The following ZFYVE26 variants were observed in gnomAD, a reference collection of about 807,000 sequenced individuals.
ZFYVE26 encodes the protein zinc finger FYVE domain-containing protein 26.
A neutral mutation model predicts 276.5 loss-of-function variants in ZFYVE26; 181 were observed. The ratio of observed to expected loss-of-function variants is 0.65; its 90% CI spans 0.58 to 0.74. The LOEUF (loss-of-function observed/expected upper bound fraction) is 0.74. Ranked by LOEUF, ZFYVE26 falls within the 30% of genes least tolerant of loss-of-function variation. The pLI is 0.00. For missense variants in ZFYVE26, 2,821 were observed against 3,097.9 expected (o/e 0.91, Z 2.12); for synonymous variants, 1,129 against 1,203.1 (o/e 0.94, Z 1.27).
chr14:67,802,313 G>A (rs2040094372), intron 9 of ZFYVE26, 31 bp from the exon 10 acceptor site: 1 of 1,609,038 alleles, frequency 6.2e-7, no homozygotes, highest in Non-Finnish European at 8.5e-7. Context: ...GGCTGAACTT[G>A]AGAGTTAATT....
chr14:67,776,101 C>T lies in ZFYVE26; in HGVS notation c.4980G>A (p.Leu1660=), dbSNP rs756162071. ...CCCGGTGCTGCTCAGGCAGGGTCAG[C>T]AGAATCTGTTTGTGGGGTAGATCCA... ...IQALYVGSKI[L]LTLPEQHRAS... The change falls in exon 26 of 42, where the codon CTG becomes CTA. Residue 1660 remains leucine (L), a synonymous_variant. Transcript: ENST00000347230. 5.0e-6 allele frequency: 8 copies of T among 1,614,012 alleles called. No individual in the cohort carries two copies. The East Asian group carries it at 1.8e-4, about 36-fold the overall frequency.
chr14:67,768,411 G>T, intron 30 of ZFYVE26, 106 bp downstream of exon 30: 1 of 1,268,776 alleles, frequency 7.9e-7, no homozygotes, highest in Non-Finnish European at 1.2e-6. Flanking sequence ...CAAGTTGGAT[G>T]GAGTGCATAA....
Position 67,748,153 on chromosome 14 carries a change from T to G in ZFYVE26, c.*283A>C. 1 of 496,738 alleles carries G rather than the reference T, an allele frequency of 2.0e-6. No individual in the cohort carries two copies. The highest frequency in any genetic ancestry group is 3.7e-6 in the Non-Finnish European group (1 of 273,320). 30.8% of individuals were successfully genotyped at this position (496,738 alleles called of 1,614,324 possible). On this transcript the variant is annotated 3_prime_UTR_variant, in exon 42 of 42. Transcript: ENST00000347230. Reference sequence around the variant, plus strand: ...GCGTAAACATCAGCGCACAGGAACATGCACACGTGTGTGCACACATACTCA... The same window carrying G: ...GCGTAAACATCAGCGCACAGGAACAGGCACACGTGTGTGCACACATACTCA...
intron 25 of ZFYVE26, among the ~76,000 whole-genome samples, chr14:67,776,642 T>C (rs1351088462): frequency 1.3e-5 from 2 of 152,352 alleles, no homozygotes; most frequent in African/African-American, 4.8e-5. Context: ...AGTAGTCTAA[T>C]GAAACCTGGC....
chr14:67,792,488 C>G (rs2039839441), intron 14 of ZFYVE26, among the ~76,000 whole-genome samples: 1 of 152,180 alleles, frequency 6.6e-6, no homozygotes, highest in African/African-American at 2.4e-5. Context: ...CTCCAATTTT[C>G]AAATGAGGAA....
At chr14:67,778,348 G>C in intron 23 of ZFYVE26, 100 bp from the exon 24 acceptor site, 1 of 1,461,196 alleles carries the variant, frequency 6.8e-7, no homozygotes. Flanking sequence ...TATAAGTGCT[G>C]ATGGGAACTT....
intron 30 of ZFYVE26, among the ~76,000 whole-genome samples, chr14:67,768,213 G>A (rs943270837): frequency 1.3e-5 from 2 of 152,178 alleles, no homozygotes; most frequent in African/African-American, 4.8e-5. Context: ...GGGAGCATGG[G>A]GAGGTAGGAT....
chr14:67,777,442 G>A, intron 25 of ZFYVE26, 117 bp downstream of exon 25: 1 of 1,547,220 alleles, frequency 6.5e-7, no homozygotes, highest in Non-Finnish European at 8.9e-7. Context: ...GAAAAGGCAA[G>A]TTCTGAAGAA....
Position 67,762,683 on chromosome 14 carries a change from GT to G in ZFYVE26, c.6147del (p.Gln2049HisfsTer42). 1 of 1,613,900 alleles carries G rather than the reference GT, an allele frequency of 6.2e-7. No homozygotes were observed. Among genetic ancestry groups the G allele is most frequent in the South Asian group, 1.1e-5 (1 of 91,072 alleles). On this transcript the variant is annotated frameshift_variant, in exon 33 of 42. Coordinates refer to ENST00000347230, the MANE Select transcript of ZFYVE26 (RefSeq NM_015346.4). LOFTEE classifies it high-confidence loss of function. Reference protein sequence around the residue: ...RNQLLEAEYYQLGVEVSTKTG... With the variant: ...RNQLLEAEYYXLGVEVSTKTG... ...TGTCTTTGTCTCACCTCAACGCCCA[GT>G]TGGTAGTACTCGGCTTCCAAAAGCT...
chr14:67,748,731 A>G (rs1303899622), intron 41 of ZFYVE26, 92 bp from the exon 42 acceptor site: 30 of 1,251,420 alleles, frequency 2.4e-5, no homozygotes, highest in Non-Finnish European at 3.3e-5. Context: ...GCAGACAGAC[A>G]CCATGTCTCA....
intron 28 of ZFYVE26, 33 bp downstream of exon 28, chr14:67,772,014 C>T (rs1478714426): frequency 1.2e-6 from 2 of 1,606,586 alleles, no homozygotes; most frequent in Admixed American, 1.7e-5. Flanking sequence ...TTACCTTCTC[C>T]TGAGGGTGAC....
chr14:67,796,600 CAT>C (rs2039958402), intron 12 of ZFYVE26: 1 of 152,100 alleles, frequency 6.6e-6, no homozygotes, highest in South Asian at 2.1e-4. Context: ...ATTTTATAAA[CAT>C]ATTGAAATAT....
intron 16 of ZFYVE26, among the ~76,000 whole-genome samples, chr14:67,788,873 T>C (rs751510983): frequency 2.0e-5 from 3 of 152,250 alleles, no homozygotes; most frequent in Non-Finnish European, 2.9e-5. Context: ...TACCTTCATA[T>C]ACTGATGCCT....
intron 10 of ZFYVE26, chr14:67,799,392 G>A: frequency 6.2e-7 from 1 of 1,612,322 alleles, no homozygotes; most frequent in East Asian, 2.2e-5. Flanking sequence ...ATGAATGCAA[G>A]GAAAAGGAGG....
chr14:67,778,178 T>C lies in ZFYVE26; in HGVS notation c.4745A>G (p.Gln1582Arg), dbSNP rs776916874. 1 of 1,614,216 alleles carries C rather than the reference T, an allele frequency of 6.2e-7. No homozygotes were observed. The highest frequency in any genetic ancestry group is 1.1e-5 in the South Asian group (1 of 91,086). Residue 1582 changes from glutamine to arginine, a missense_variant, in exon 24 of 42, where the codon CAA (glutamine) becomes CGA (arginine). Physicochemically the swap from Gln to Arg is conservative, Grantham distance 43 (BLOSUM62 1). Coordinates refer to ENST00000347230, the MANE Select transcript of ZFYVE26 (RefSeq NM_015346.4). Reference sequence around the variant, plus strand: ...TTCTAGAAGGTGGAGAAGATGCTTTTGATGAAGGCTGATTAAATGTTCTCT... The same window carrying C: ...TTCTAGAAGGTGGAGAAGATGCTTTCGATGAAGGCTGATTAAATGTTCTCT... Reference protein sequence around the residue: ...IPREHLISLHQKHLLHLLERR... With the variant: ...IPREHLISLHRKHLLHLLERR...
Position 67,766,250 on chromosome 14 carries a change from G to A in ZFYVE26, c.5988C>T (p.Ser1996=), listed in dbSNP as rs1210815953. ...ACCTGTCACAAAGAGCCAAGTCTTG[G>A]CTCTGGCCGGCTTTGACGAACATCA... ...AKMMFVKAGQ[S]QDLALCDSYI... is the part of the protein sequence containing the mutation. Residue 1996 remains serine, a synonymous_variant, in exon 32 of 42, where the codon AGC becomes AGT. Transcript: ENST00000347230. 6.2e-7 allele frequency: 1 copy of A among 1,614,108 alleles called. No individual in the cohort carries two copies. The highest frequency in any genetic ancestry group is 1.7e-5 in the Admixed American group (1 of 60,030).
Position 67,756,162 on chromosome 14 carries a change from C to T in ZFYVE26, c.6589-17G>A, listed in dbSNP as rs185888528. ...AGGACTCTCCTGGAGCAGGGCAGGG[C>T]GAGAAGTCAGAAGTCTTGAGCCTGG... On this transcript the variant is annotated splice_polypyrimidine_tract_variant and intron_variant, in intron 35 of 41. Coordinates refer to ENST00000347230, the MANE Select transcript of ZFYVE26 (RefSeq NM_015346.4). The T allele has an allele frequency of 4.3e-5, 69 of 1,613,814 alleles. No homozygotes were observed. In the Middle Eastern group the frequency reaches 5.0e-4, roughly 12 times the overall value.
chr14:67,744,617 T>A (rs978984294), downstream of ZFYVE26, among the ~76,000 whole-genome samples: 4 of 152,158 alleles, frequency 2.6e-5, no homozygotes, highest in Non-Finnish European at 5.9e-5. Flanking sequence ...CCTGTCTCCA[T>A]GTGTTATCAT....
intron 16 of ZFYVE26, 51 bp downstream of exon 16, chr14:67,789,283 GA>G: frequency 3.7e-6 from 6 of 1,611,042 alleles, no homozygotes; most frequent in Non-Finnish European, 4.2e-6. Context: ...AAGACTCTCA[GA>G]AACCCATCTC....
Sources: allele counts gnomAD v4.1 joint callset (sites outside exome capture counted in the v4.1 genomes callset), GRCh38; gene constraint gnomAD v4.1.1; transcripts MANE v1.5; gene names NCBI Gene and HGNC (gene_info 2026-07-23, HGNC 2026-07-21).